The following TMEM14B variants were observed in gnomAD, a reference collection of about 807,000 sequenced individuals.
The protein encoded by TMEM14B is transmembrane protein 14B.
Under a neutral mutation model 14.8 loss-of-function variants are expected in TMEM14B, and 9 were observed. The observed-to-expected ratio is 0.61, with a 90% CI of 0.37 to 1.06. The LOEUF (loss-of-function observed/expected upper bound fraction) is 1.06. Among genes scored for constraint, TMEM14B ranks in the 50% least tolerant of loss-of-function variants. The probability of loss-of-function intolerance (pLI) is 0.01; values close to 1 mark genes in which losing one functional copy is unlikely to be tolerated. For synonymous variants in TMEM14B, 40 were observed against 51.3 expected (o/e 0.78, Z 0.94); for missense variants, 128 against 143.6 (o/e 0.89, Z 0.56).
Position 10,751,116 on chromosome 6 carries a change from C to T in TMEM14B, c.101-17C>T, listed in dbSNP as rs140364465. The T allele has an allele frequency of 2.9e-5, 47 of 1,612,742 alleles. No individual in the cohort carries two copies. The East Asian group carries it at 3.6e-4, about 12-fold the overall frequency. ...GTGCCTGACATTACAATGCAAGCTG[C>T]GTTTGCTTCCTTCTAGGCAGCGTGC... is the stretch of plus-strand genomic sequence containing the variant. On this transcript the variant is annotated splice_polypyrimidine_tract_variant and intron_variant, in intron 3 of 5. Transcript: ENST00000379542.
chr6:10,750,375 CA>C lies in TMEM14B; in HGVS notation c.100+680del, dbSNP rs1226065400. ...TGGGGCCTAAAAGACGGCTAACACT[CA>C]AAGTTCTCTCGGCCTTGAAGAAGGG... On this transcript the variant is annotated intron_variant, in intron 3 of 5. Transcript: ENST00000379542. Among the ~76,000 whole-genome samples the C allele has an allele frequency of 8.3e-5, 11 of 132,242 alleles. No individual in the cohort carries two copies. In the South Asian group the frequency reaches 1.4e-3, roughly 17 times the overall value. 86.8% of individuals were successfully genotyped at this position (132,242 alleles called of 152,430 possible). A position where few individuals can be genotyped will look rare whatever the true frequency, so the allele number is the denominator to read the frequency against.
Position 10,751,143 on chromosome 6 carries a change from G to A in TMEM14B, c.111G>A (p.Pro37=), listed in dbSNP as rs138792128. The A allele has an allele frequency of 2.4e-4, 387 of 1,613,756 alleles. No individual in the cohort carries two copies. Among genetic ancestry groups the A allele is most frequent in the African/African-American group, 4.3e-4 (32 of 74,880 alleles). Residue 37 remains proline, a synonymous_variant, in exon 4 of 6, where the codon CCG becomes CCA. Transcript: ENST00000379542. ...IVGYVKTGSV[P]SLAAGLLFGS... is the part of the protein sequence containing the mutation. ...TTTGCTTCCTTCTAGGCAGCGTGCCGTCCCTGGCTGCAGGGCTGCTCTTCG... is the reference window on the plus strand; with the variant it reads ...TTTGCTTCCTTCTAGGCAGCGTGCCATCCCTGGCTGCAGGGCTGCTCTTCG...
chr6:10,754,197 G>A (rs1030421734), intron 4 of TMEM14B, among the ~76,000 whole-genome samples: 1 of 152,216 alleles, frequency 6.6e-6, no homozygotes, highest in African/African-American at 2.4e-5. Flanking sequence ...TCCAGCGTGT[G>A]TTGCAGAGTG....
chr6:10,755,077 G>T, intron 4 of TMEM14B, 65 bp from the exon 5 acceptor site: 1 of 1,549,128 alleles, frequency 6.5e-7, no homozygotes, highest in South Asian at 1.2e-5. Context: ...GTGGGGCTTG[G>T]TCTACTTCTG....
chr6:10,755,012 C>A, intron 4 of TMEM14B, 130 bp from the exon 5 acceptor site: 1 of 978,846 alleles, frequency 1.0e-6, no homozygotes, highest in Non-Finnish European at 1.5e-6. Flanking sequence ...AGTAATCTCC[C>A]CTACTTGGGG....
At chr6:10,758,752 C>G (rs1245851641), downstream of TMEM14B, among the ~76,000 whole-genome samples, 1 of 152,088 alleles carries the variant, frequency 6.6e-6, no homozygotes, top group Admixed American at 6.6e-5. Flanking sequence ...TCAGTTGATG[C>G]ATGAATCAGT....
downstream of TMEM14B, among the ~76,000 whole-genome samples, chr6:10,757,247 A>G (rs763419837): frequency 2.6e-5 from 4 of 151,762 alleles, no homozygotes; most frequent in Non-Finnish European, 5.9e-5. Context: ...ATCTCACTGT[A>G]GCCTCAAACT....
At chr6:10,749,389 C>G (rs1294582355) in intron 2 of TMEM14B, 121 bp downstream of exon 2, 1 of 1,320,058 alleles carries the variant, frequency 7.6e-7, no homozygotes, top group Non-Finnish European at 1.1e-6. Context: ...ATGGGAGGAT[C>G]ACTGGACCTG....
downstream of TMEM14B, among the ~76,000 whole-genome samples, chr6:10,758,785 T>C (rs948351285): frequency 6.6e-6 from 1 of 152,086 alleles, no homozygotes; most frequent in African/African-American, 2.4e-5. Flanking sequence ...CTTTTGTGAG[T>C]TGTCTGAGAA....
At chr6:10,749,601 T>C in intron 2 of TMEM14B, 21 bp from the exon 3 acceptor site, 1 of 1,614,058 alleles carries the variant, frequency 6.2e-7, no homozygotes, top group Non-Finnish European at 8.5e-7. Context: ...GACTTCTCAC[T>C]GACTTCTCTT....
At chr6:10,758,909 C>CTTT (rs34333457), downstream of TMEM14B, 36 of 103,462 alleles carry the variant, frequency 3.5e-4, no homozygotes, top group Non-Finnish European at 4.0e-4. Context: ...AGATCTAATT[C>CTTT]TTTTTTTTTT....
rs199717445 is a variant in TMEM14B at position 10,751,205 on chromosome 6, A to G, written c.173A>G (p.Gln58Arg). ...LAGLGAYQLY[Q>R]DPRNVWGFLA... ...GGCCTGGGTGCTTACCAGCTGTATC[A>G]GGATCCAAGGAACGTTTGGGGTTTC... is the stretch of plus-strand genomic sequence containing the variant. The change falls in exon 4 of 6, where the codon CAG becomes CGG. Residue 58 changes from glutamine (Q) to arginine (R), a missense_variant. Gln to Arg is a conservative substitution (Grantham distance 43, BLOSUM62 1). Transcript: ENST00000379542. 98 of 1,613,812 alleles carry G rather than the reference A, an allele frequency of 6.1e-5. No individual in the cohort carries two copies. Among genetic ancestry groups the G allele is most frequent in the Non-Finnish European group, 8.1e-5 (95 of 1,180,006 alleles).
At position 10,749,273 on chromosome 6, in the gene TMEM14B, G is replaced by C; in HGVS notation, c.23+5G>C. 1 of 1,614,170 alleles carries C rather than the reference G, an allele frequency of 6.2e-7. No individual in the cohort carries two copies. The highest frequency in any genetic ancestry group is 8.5e-7 in the Non-Finnish European group (1 of 1,179,978). Reference sequence around the variant, plus strand: ...GGAGAAGCCCCTCTTCCCATTGTGAGTAGACAGTAAATGGTTAGAGAGTAG... The same window carrying C: ...GGAGAAGCCCCTCTTCCCATTGTGACTAGACAGTAAATGGTTAGAGAGTAG... On this transcript the variant is annotated splice_donor_5th_base_variant and intron_variant, in intron 2 of 5. Transcript: ENST00000379542.
chr6:10,749,168 T>G, intron 1 of TMEM14B, 34 bp from the exon 2 acceptor site: 1 of 1,505,396 alleles, frequency 6.6e-7, no homozygotes, highest in South Asian at 1.1e-5. Flanking sequence ...GAGCTGTGCT[T>G]TTAACCACTG....
chr6:10,757,377 T>A (rs1027570749), downstream of TMEM14B, among the ~76,000 whole-genome samples: 1 of 152,190 alleles, frequency 6.6e-6, no homozygotes, highest in Non-Finnish European at 1.5e-5. Flanking sequence ...CTCAGGCTGC[T>A]ATCAAACTCC....
chr6:10,752,451 CCTT>C lies in TMEM14B; in HGVS notation c.202+1218_202+1220del, dbSNP rs1771622266. ...TTGTCTCCTTCCCCTTCATAAACTA[CCTT>C]TTTTTTTTTTTTTTTTTTTTGAGAC... On this transcript the variant is annotated intron_variant, in intron 4 of 5. Coordinates refer to ENST00000379542, the MANE Select transcript of TMEM14B (RefSeq NM_030969.5). Among the ~76,000 whole-genome samples, 4 of 142,114 alleles carry C rather than the reference CCTT, an allele frequency of 2.8e-5. 1 individual carries two copies. Among genetic ancestry groups the C allele is most frequent in the Admixed American group, 1.4e-4 (2 of 13,924 alleles). 93.2% of individuals were successfully genotyped at this position (142,114 alleles called of 152,430 possible).
At position 10,752,557 on chromosome 6, in the gene TMEM14B, A is replaced by G. The variant is rs895481184; in HGVS notation, c.202+1323A>G. 2.0e-4 allele frequency among the ~76,000 whole-genome samples: 30 copies of G among 149,868 alleles called. 1 individual carries two copies. The Admixed American group carries it at 2.0e-3, about 10-fold the overall frequency. On this transcript the variant is annotated intron_variant, in intron 4 of 5. Transcript: ENST00000379542. ...CTGCAACCTCCGCCTCTTGGATTCAAGTGGTTCTCCTGCCTCAGCCTTCTA... is the reference window on the plus strand; with the variant it reads ...CTGCAACCTCCGCCTCTTGGATTCAGGTGGTTCTCCTGCCTCAGCCTTCTA...
chr6:10,756,250 A>G (rs1425877152), intron 5 of TMEM14B, among the ~76,000 whole-genome samples: 2 of 152,138 alleles, frequency 1.3e-5, no homozygotes, highest in Non-Finnish European at 2.9e-5. Context: ...ATTAGGATCT[A>G]GCTCATGTGT....
Position 10,747,854 on chromosome 6 carries a change from C to A in TMEM14B, c.-72C>A, listed in dbSNP as rs370682661. The A allele has an allele frequency of 6.6e-6, 1 of 152,304 alleles. No homozygotes were observed. Among genetic ancestry groups the A allele is most frequent in the African/African-American group, 2.4e-5 (1 of 41,476 alleles). The allele number at this position is 152,304 out of a possible 1,614,324, so 9.4% of individuals were successfully genotyped here. ...CTGCTGTGTCCCGCGGCTTGCGCTC[C>A]GTAGTGGACTCCGCGGGCCTTCGGC... On this transcript the variant is annotated 5_prime_UTR_variant, in exon 1 of 6. Transcript: ENST00000379542.
Sources: gnomAD v4.1 joint callset for allele counts (sites outside exome capture counted in the v4.1 genomes callset) on GRCh38, gnomAD v4.1.1 for gene constraint, MANE v1.5 for transcripts, NCBI Gene and HGNC (gene_info 2026-07-23, HGNC 2026-07-21) for gene names.